ZNF362: variants seen among roughly 807,000 people sequenced by gnomAD.
ZNF362 encodes zinc finger protein 362.
In ZNF362, 11 loss-of-function variants were observed where a neutral mutation model predicts 42.9. The observed-to-expected ratio is 0.26, with a 90% CI of 0.16 to 0.42. The LOEUF (loss-of-function observed/expected upper bound fraction) is 0.42. ZNF362 is among the 20% of genes least tolerant of loss of function. ZNF362 has a pLI of 1.00. For missense variants in ZNF362, 362 were observed against 576.2 expected (o/e 0.63, Z 3.81); for synonymous variants, 255 against 257.3 (o/e 0.99, Z 0.09).
chr1:33,148,283 C>CT, the ZNF362 span, among the ~76,000 whole-genome samples: 2 of 152,164 alleles, frequency 1.3e-5, no homozygotes, highest in African/African-American at 4.8e-5. Flanking sequence ...GATGAAAAAT[C>CT]TTTTTTATAA....
At position 33,280,127 on chromosome 1, in the gene ZNF362, T is replaced by G; in HGVS notation, c.353T>G (p.Leu118Arg). Residue 118 changes from leucine (L) to arginine (R), a missense_variant, in exon 5 of 9, where the codon CTG becomes CGG. This residue lies in a region of ZNF362 where 266 missense variants were observed against 365.4 expected (regional missense o/e 0.73). Coordinates refer to ENST00000539719, the MANE Select transcript of ZNF362 (RefSeq NM_152493.3). The surrounding 1 kb of genome is among the most constrained non-coding windows in gnomAD (Gnocchi z 5.6). Reference sequence around the variant, plus strand: ...CCCCACCCACCTGTCTTCGCAGGTCTGGGGCTGTCCACCCGGACCCCGTCT... The same window carrying G: ...CCCCACCCACCTGTCTTCGCAGGTCGGGGGCTGTCCACCCGGACCCCGTCT... ...ARPATSTVTG[L>R]GLSTRTPSVS... The G allele has an allele frequency of 6.4e-7, 1 of 1,570,178 alleles. No homozygotes were observed. Among genetic ancestry groups the G allele is most frequent in the South Asian group, 1.2e-5 (1 of 84,608 alleles).
At chr1:33,189,299 T>C in the ZNF362 span, among the ~76,000 whole-genome samples, 2 of 152,110 alleles carry the variant, frequency 1.3e-5, no homozygotes, top group Non-Finnish European at 2.9e-5. Context: ...GAGGTTCCAA[T>C]GCAGGGATCA....
At chr1:33,186,415 T>C in the ZNF362 span, among the ~76,000 whole-genome samples, 1 of 152,020 alleles carries the variant, frequency 6.6e-6, no homozygotes, top group Non-Finnish European at 1.5e-5. Flanking sequence ...ATAAGCTTTG[T>C]TCAGACATGA....
At chr1:33,167,107 C>T in the ZNF362 span, among the ~76,000 whole-genome samples, 1 of 152,280 alleles carries the variant, frequency 6.6e-6, no homozygotes, top group South Asian at 2.1e-4. The surrounding 1 kb of genome is among the most constrained non-coding windows in gnomAD (Gnocchi z 4.2). Context: ...GTGGCCTCCA[C>T]TCTCAGAGTT....
the ZNF362 span, among the ~76,000 whole-genome samples, chr1:33,183,386 C>T: frequency 6.6e-6 from 1 of 152,228 alleles, no homozygotes; most frequent in Non-Finnish European, 1.5e-5. Context: ...CCCAGAATCT[C>T]CATCATTGCG....
At chr1:33,282,884 C>G (rs1646006472) in intron 6 of ZNF362, among the ~76,000 whole-genome samples, 1 of 150,950 alleles carries the variant, frequency 6.6e-6, no homozygotes, top group African/African-American at 2.4e-5. Context: ...GACTGGCTCA[C>G]CAAATAAAAA....
At chr1:33,220,069 G>A in the ZNF362 span, among the ~76,000 whole-genome samples, 1 of 152,152 alleles carries the variant, frequency 6.6e-6, no homozygotes, top group Non-Finnish European at 1.5e-5. Context: ...AATCATCAGA[G>A]CCAGCAGAGG....
chr1:33,258,781 G>C (rs923014012), intron 1 of ZNF362, among the ~76,000 whole-genome samples: 3 of 152,188 alleles, frequency 2.0e-5, no homozygotes, highest in Non-Finnish European at 4.4e-5. Context: ...AGTTTTCACA[G>C]TATGGTGTGG....
chr1:33,166,689 T>G, the ZNF362 span, among the ~76,000 whole-genome samples: 1 of 152,150 alleles, frequency 6.6e-6, no homozygotes, highest in Non-Finnish European at 1.5e-5. Flanking sequence ...ACCATGATCT[T>G]GATGCCAGGT....
At chr1:33,137,764 G>GC in the ZNF362 span, among the ~76,000 whole-genome samples, 1 of 152,164 alleles carries the variant, frequency 6.6e-6, no homozygotes, top group South Asian at 2.1e-4. Flanking sequence ...ATACCTACCT[G>GC]CCCCTGTCCC....
the ZNF362 span, chr1:33,163,265 C>T: frequency 2.6e-5 from 4 of 152,112 alleles, no homozygotes; most frequent in African/African-American, 9.7e-5. Flanking sequence ...TCTTGAACTC[C>T]TGACCTCAGG....
At chr1:33,172,867 A>G in the ZNF362 span, among the ~76,000 whole-genome samples, 1 of 152,202 alleles carries the variant, frequency 6.6e-6, no homozygotes, top group Non-Finnish European at 1.5e-5. Flanking sequence ...GCCTGTGTTC[A>G]AATCCTGACA....
chr1:33,230,219 A>C, the ZNF362 span, among the ~76,000 whole-genome samples: 2 of 152,166 alleles, frequency 1.3e-5, no homozygotes, highest in Non-Finnish European at 2.9e-5. Flanking sequence ...GTTAATACCC[A>C]CCTCATTGGT....
the ZNF362 span, among the ~76,000 whole-genome samples, chr1:33,203,658 C>A: frequency 6.6e-6 from 1 of 152,130 alleles, no homozygotes; most frequent in Non-Finnish European, 1.5e-5. Context: ...TTGATAATAA[C>A]CATCTTAACA....
the ZNF362 span, chr1:33,199,696 C>T: frequency 1.3e-5 from 2 of 152,168 alleles, no homozygotes; most frequent in Non-Finnish European, 2.9e-5. Context: ...AATAACAATG[C>T]ATTGTTACTG....
rs1410002687 is a variant in ZNF362, at chr1:33,280,186, A to G, written c.412A>G (p.Thr138Ala). Reference protein sequence around the residue: ...STSESSAGAGTGTGTSTPSTP... With the variant: ...STSESSAGAGAGTGTSTPSTP... ...TTCTGAGTCAAGCGCGGGCGCGGGC[A>G]CGGGCACGGGTACCAGCACCCCGTC... The change falls in exon 5 of 9, where the codon ACG becomes GCG. Residue 138 changes from threonine (T) to alanine (A), a missense_variant. Thr to Ala is a moderately conservative substitution (Grantham distance 58). Coordinates refer to ENST00000539719, the MANE Select transcript of ZNF362 (RefSeq NM_152493.3). The surrounding 1 kb of genome is among the most constrained non-coding windows in gnomAD (Gnocchi z 5.6). 6 of 1,612,522 alleles carry G rather than the reference A, an allele frequency of 3.7e-6. No homozygotes were observed. The highest frequency in any genetic ancestry group is 1.7e-5 in the Admixed American group (1 of 59,940).
the ZNF362 span, among the ~76,000 whole-genome samples, chr1:33,234,032 AT>A: frequency 2.6e-5 from 4 of 152,314 alleles, no homozygotes; most frequent in South Asian, 8.3e-4. Context: ...AATCTCATCT[AT>A]TTTTATGATT....
chr1:33,130,723 A>C, the ZNF362 span, among the ~76,000 whole-genome samples: 33 of 152,242 alleles, frequency 2.2e-4, no homozygotes, highest in Non-Finnish European at 4.6e-4. Flanking sequence ...TTTTAAGGTA[A>C]TTTGTTAGGC....
chr1:33,140,096 G>T, the ZNF362 span, among the ~76,000 whole-genome samples: 4 of 152,108 alleles, frequency 2.6e-5, no homozygotes, highest in South Asian at 2.1e-4. This position sits in a 1 kb window ranked among gnomAD's most constrained non-coding sequence, Gnocchi z 4.0. Context: ...GCAGAGGGGG[G>T]TCCCTAAGAG....
Sources: gnomAD v4.1 joint callset for allele counts (sites outside exome capture counted in the v4.1 genomes callset) on GRCh38, gnomAD v4.1.1 for gene constraint, gnomAD v4.1.1 regional missense constraint, Gnocchi (gnomAD v3.1) non-coding constraint, MANE v1.5 for transcripts, NCBI Gene and HGNC (gene_info 2026-07-23, HGNC 2026-07-21) for gene names.